The following GMDS variants were observed in gnomAD, a reference collection of about 807,000 sequenced individuals.
The protein encoded by GMDS is GDP-mannose 4,6 dehydratase.
Under a neutral mutation model 49.9 loss-of-function variants are expected in GMDS, and 20 were observed. The ratio of observed to expected loss-of-function variants is 0.40; its 90% CI spans 0.28 to 0.58. GMDS has a LOEUF of 0.58. Ranked by LOEUF, GMDS falls within the 20% of genes least tolerant of loss-of-function variation. The pLI, the probability that GMDS is intolerant of heterozygous loss-of-function variation, is 0.42. For synonymous variants in GMDS, 177 were observed against 178.6 expected (o/e 0.99, Z 0.07); for missense variants, 362 against 481.4 (o/e 0.75, Z 2.32).
intron 9 of GMDS, among the ~76,000 whole-genome samples, chr6:1,638,318 G>A (rs1763225600): frequency 6.6e-6 from 1 of 152,192 alleles, no homozygotes; most frequent in Admixed American, 6.5e-5. Context: ...TCCAGCTGGA[G>A]ATGAATGGTT....
chr6:1,909,240 T>A (rs556666750), intron 7 of GMDS, among the ~76,000 whole-genome samples: 197 of 152,294 alleles, frequency 1.3e-3, no homozygotes, highest in African/African-American at 4.4e-3. Context: ...GCTAAACTGC[T>A]CTCCATGATG....
chr6:2,092,957 T>C (rs1773406173), intron 4 of GMDS, among the ~76,000 whole-genome samples: 1 of 152,216 alleles, frequency 6.6e-6, no homozygotes, highest in Admixed American at 6.5e-5. Flanking sequence ...AAGGAGTATG[T>C]GTATTCAGCC....
intron 1 of GMDS, among the ~76,000 whole-genome samples, chr6:2,195,291 G>A (rs1191179232): frequency 1.3e-5 from 2 of 151,444 alleles, no homozygotes; most frequent in Non-Finnish European, 2.9e-5. Flanking sequence ...GAAATTAGAC[G>A]TTACATTTTT....
At chr6:2,225,331 A>G (rs1412227830) in intron 1 of GMDS, among the ~76,000 whole-genome samples, 1 of 152,160 alleles carries the variant, frequency 6.6e-6, no homozygotes, top group African/African-American at 2.4e-5. Flanking sequence ...CCCTGTCTCA[A>G]TAAATAAACA....
At chr6:1,739,357 G>T (rs116122600) in intron 8 of GMDS, among the ~76,000 whole-genome samples, 2,111 of 152,332 alleles carry the variant, frequency 0.014, 44 homozygotes, top group African/African-American at 0.047. Context: ...GCGGCTCCTG[G>T]CATGCCTCCA....
intron 1 of GMDS, among the ~76,000 whole-genome samples, chr6:2,200,770 G>T (rs1057226876): frequency 6.8e-6 from 1 of 147,596 alleles, no homozygotes. Context: ...AGTGAGGGCA[G>T]CATGTTAGCA....
chr6:1,753,537 T>C (rs538097409), intron 7 of GMDS, among the ~76,000 whole-genome samples: 3 of 152,222 alleles, frequency 2.0e-5, no homozygotes, highest in Admixed American at 6.5e-5. Flanking sequence ...ACCAAGCGGA[T>C]CTAATAGACA....
chr6:1,995,841 T>A (rs146741986), intron 4 of GMDS, among the ~76,000 whole-genome samples: 31 of 152,118 alleles, frequency 2.0e-4, no homozygotes, highest in Non-Finnish European at 3.8e-4. Context: ...TTTCTGGTCC[T>A]GCTTAACTGC....
intron 1 of GMDS, among the ~76,000 whole-genome samples, chr6:2,242,004 C>T (rs945730503): frequency 2.6e-5 from 4 of 152,130 alleles, no homozygotes; most frequent in Admixed American, 2.6e-4. Context: ...TGGGAGGTAA[C>T]AGGCTGAAAA....
chr6:2,240,601 C>CAAAAAAAAAAAAA (rs57052982), intron 1 of GMDS, among the ~76,000 whole-genome samples: 1 of 84,070 alleles, frequency 1.2e-5, no homozygotes, highest in African/African-American at 3.7e-5. Flanking sequence ...AAGACTGTCT[C>CAAAAAAAAAAAAA]AAAAAAAAAA....
At chr6:2,016,087 T>TA (rs375828300) in intron 4 of GMDS, among the ~76,000 whole-genome samples, 3,596 of 134,716 alleles carry the variant, frequency 0.027, 67 homozygotes, top group South Asian at 0.051. Flanking sequence ...AAAAATAAAT[T>TA]AAAAAAAAAA....
At chr6:1,904,057 G>A (rs896084724) in intron 7 of GMDS, among the ~76,000 whole-genome samples, 8 of 152,194 alleles carry the variant, frequency 5.3e-5, no homozygotes, top group Admixed American at 5.2e-4. Context: ...AGGCAAGCTT[G>A]GAACAGAAAA....
chr6:1,935,734 G>A (rs1247110615), intron 6 of GMDS, among the ~76,000 whole-genome samples: 1 of 152,150 alleles, frequency 6.6e-6, no homozygotes, highest in Non-Finnish European at 1.5e-5. Context: ...AACTAATAAG[G>A]TTTTTAGCCT....
chr6:1,704,426 G>A (rs1765652760), intron 9 of GMDS, among the ~76,000 whole-genome samples: 1 of 152,154 alleles, frequency 6.6e-6, no homozygotes, highest in African/African-American at 2.4e-5. Context: ...AACTGAGCAA[G>A]AGCGTGTCTG....
chr6:1,657,786 G>C (rs891538358), intron 9 of GMDS, among the ~76,000 whole-genome samples: 1 of 147,880 alleles, frequency 6.8e-6, no homozygotes, highest in African/African-American at 2.5e-5. Context: ...CTGGAGAGTT[G>C]GGCAAAATTC....
At chr6:2,070,922 T>A (rs1181773355) in intron 4 of GMDS, among the ~76,000 whole-genome samples, 1 of 152,232 alleles carries the variant, frequency 6.6e-6, no homozygotes, top group East Asian at 1.9e-4. Context: ...CTGGTCTTTA[T>A]CTGCCACTAC....
chr6:1,648,299 T>C (rs1763549024), intron 9 of GMDS, among the ~76,000 whole-genome samples: 1 of 152,250 alleles, frequency 6.6e-6, no homozygotes, highest in Non-Finnish European at 1.5e-5. Flanking sequence ...ATACATTTCA[T>C]GTTTCCAATA....
At chr6:1,855,542 G>A (rs1006859926) in intron 7 of GMDS, among the ~76,000 whole-genome samples, 2 of 152,128 alleles carry the variant, frequency 1.3e-5, no homozygotes, top group African/African-American at 4.8e-5. Flanking sequence ...CCCAAGTATT[G>A]AGAGGGTACC....
chr6:1,665,208 A>T (rs1219420473), intron 9 of GMDS, among the ~76,000 whole-genome samples: 1 of 152,200 alleles, frequency 6.6e-6, no homozygotes, highest in Non-Finnish European at 1.5e-5. Context: ...TTAACTCGTC[A>T]TTTAACATTA....
Sources: allele counts gnomAD v4.1 joint callset (sites outside exome capture counted in the v4.1 genomes callset), GRCh38; gene constraint gnomAD v4.1.1; transcripts MANE v1.5; gene names NCBI Gene and HGNC (gene_info 2026-07-23, HGNC 2026-07-21).